EFCAB5: variants seen among roughly 807,000 people sequenced by gnomAD.
EFCAB5 encodes EF-hand calcium-binding domain-containing protein 5.
EFCAB5 carries 131 observed loss-of-function variants against 167.9 expected under a neutral mutation model. That is an observed-to-expected ratio of 0.78 (90% CI 0.68 to 0.90). The LOEUF (loss-of-function observed/expected upper bound fraction) is 0.90. EFCAB5 is among the 40% of genes least tolerant of loss of function. The pLI is 0.00. For synonymous variants in EFCAB5, 574 were observed against 602.8 expected (o/e 0.95, Z 0.70); for missense variants, 1,663 against 1,745.2 (o/e 0.95, Z 0.84).
At chr17:29,939,785 G>T (rs1418459703), upstream of EFCAB5, among the ~76,000 whole-genome samples, 3 of 152,202 alleles carry the variant, frequency 2.0e-5, no homozygotes, top group Non-Finnish European at 2.9e-5. Flanking sequence ...TTGGGCTTTG[G>T]CTTAAGGGAA....
chr17:29,946,429 C>CTTTTTTTT (rs58247381), intron 3 of EFCAB5, among the ~76,000 whole-genome samples: 2 of 85,442 alleles, frequency 2.3e-5, no homozygotes, highest in African/African-American at 4.9e-5. Context: ...ATGGAAATTT[C>CTTTTTTTT]TTTTTTTTTT....
intron 7 of EFCAB5, among the ~76,000 whole-genome samples, chr17:30,024,108 C>T (rs2069252757): frequency 6.6e-6 from 1 of 152,058 alleles, no homozygotes; most frequent in Non-Finnish European, 1.5e-5. Flanking sequence ...AGCATTCCCT[C>T]TGAAAACTGG....
At position 30,037,466 on chromosome 17, in the gene EFCAB5, T is replaced by G. The variant is rs1464089806; in HGVS notation, c.1200+3081T>G. On this transcript the variant is annotated intron_variant, in intron 8 of 22. Transcript: ENST00000394835. ...TGGCTGGCATTGAGCTAGACTCTCCTTTCTCTGATGGCAGGACTCTATATA... is the reference window on the plus strand; with the variant it reads ...TGGCTGGCATTGAGCTAGACTCTCCGTTCTCTGATGGCAGGACTCTATATA... 2.0e-5 allele frequency among the ~76,000 whole-genome samples: 3 copies of G among 152,190 alleles called. No individual in the cohort carries two copies. The East Asian group carries it at 5.8e-4, about 29-fold the overall frequency.
At chr17:30,079,924 C>A in intron 15 of EFCAB5, 148 bp from the exon 16 acceptor site, 1 of 894,252 alleles carries the variant, frequency 1.1e-6, no homozygotes, top group Non-Finnish European at 1.6e-6. Context: ...ACCTTTTCCC[C>A]ACTGCCCATG....
At chr17:30,097,055 T>TATACATATAC (rs1567777495) in intron 22 of EFCAB5, among the ~76,000 whole-genome samples, 2 of 53,726 alleles carry the variant, frequency 3.7e-5, no homozygotes. Context: ...TATACATATA[T>TATACATATAC]ATATATTTTT....
intron 18 of EFCAB5, among the ~76,000 whole-genome samples, chr17:30,086,098 C>T (rs771484792): frequency 6.6e-5 from 10 of 152,108 alleles, no homozygotes; most frequent in Non-Finnish European, 1.3e-4. Context: ...GAGACTCAAG[C>T]GATCCTCCTG....
chr17:30,096,678 T>TATA (rs1491331465), intron 22 of EFCAB5, among the ~76,000 whole-genome samples: 70 of 40,678 alleles, frequency 1.7e-3, no homozygotes, highest in East Asian at 5.2e-3. Flanking sequence ...TATATATATA[T>TATA]TTTTTTTTTT....
intron 14 of EFCAB5, among the ~76,000 whole-genome samples, chr17:30,070,709 G>T (rs1462686203): frequency 6.6e-6 from 1 of 152,096 alleles, no homozygotes; most frequent in Non-Finnish European, 1.5e-5. Context: ...CAGCACTTTG[G>T]GAGGCTGAGG....
At chr17:30,052,788 TA>T (rs1005649846) in intron 9 of EFCAB5, among the ~76,000 whole-genome samples, 2 of 152,138 alleles carry the variant, frequency 1.3e-5, no homozygotes, top group Non-Finnish European at 2.9e-5. Context: ...GGGAAAGAGA[TA>T]GGGGGAAGAA....
intron 7 of EFCAB5, among the ~76,000 whole-genome samples, chr17:30,000,304 G>C (rs1268953996): frequency 6.6e-6 from 1 of 152,116 alleles, no homozygotes; most frequent in Non-Finnish European, 1.5e-5. Flanking sequence ...CTATGGGCCA[G>C]GTATCATACA....
At chr17:29,960,650 C>T (rs2067703318) in intron 3 of EFCAB5, among the ~76,000 whole-genome samples, 1 of 152,076 alleles carries the variant, frequency 6.6e-6, no homozygotes. Context: ...TACATCTATA[C>T]CTCATTTTGT....
intron 10 of EFCAB5, among the ~76,000 whole-genome samples, chr17:30,054,496 T>C (rs1413313076): frequency 6.6e-6 from 1 of 152,242 alleles, no homozygotes; most frequent in Non-Finnish European, 1.5e-5. Flanking sequence ...AATTTTCTTT[T>C]ATTTCAACTG....
At chr17:30,036,229 TA>T (rs2069615332) in intron 8 of EFCAB5, among the ~76,000 whole-genome samples, 1 of 141,928 alleles carries the variant, frequency 7.0e-6, no homozygotes, top group Non-Finnish European at 1.5e-5. Flanking sequence ...TATGCATATA[TA>T]ATGTATGTAT....
At chr17:30,002,327 G>A (rs2068679995) in intron 7 of EFCAB5, among the ~76,000 whole-genome samples, 1 of 152,042 alleles carries the variant, frequency 6.6e-6, no homozygotes, top group African/African-American at 2.4e-5. Context: ...AATTAACATT[G>A]ATATAATGTG....
chr17:30,044,988 CT>C (rs1321398785), intron 8 of EFCAB5, among the ~76,000 whole-genome samples: 1 of 152,168 alleles, frequency 6.6e-6, no homozygotes, highest in African/African-American at 2.4e-5. Context: ...CAATGAACCA[CT>C]GATACAATAC....
At chr17:29,997,477 T>C (rs901969465) in intron 6 of EFCAB5, among the ~76,000 whole-genome samples, 2 of 151,794 alleles carry the variant, frequency 1.3e-5, no homozygotes, top group African/African-American at 4.8e-5. Flanking sequence ...TTCCCAGAAA[T>C]GCAGACTGAC....
At chr17:30,106,329 AT>A (rs1397737782) in intron 22 of EFCAB5, among the ~76,000 whole-genome samples, 1 of 151,996 alleles carries the variant, frequency 6.6e-6, no homozygotes, top group African/African-American at 2.4e-5. Flanking sequence ...GAACTCAATT[AT>A]AACCAAATGG....
intron 18 of EFCAB5, 96 bp from the exon 19 acceptor site, chr17:30,086,967 A>C: frequency 9.7e-7 from 1 of 1,031,224 alleles, no homozygotes; most frequent in East Asian, 2.5e-5. Flanking sequence ...AGGTCATCTA[A>C]GCTTTCCTAT....
chr17:30,107,999 C>G lies in EFCAB5; in HGVS notation c.4487C>G (p.Pro1496Arg). Residue 1496 changes from proline to arginine, a missense_variant, in exon 23 of 23, where the codon CCA becomes CGA. Physicochemically the swap from Pro to Arg is moderately radical, Grantham distance 103 (BLOSUM62 -2). Transcript: ENST00000394835. Reference sequence around the variant, plus strand: ...GACAATTATATGTATGCAAAAATGCCAGGGGAAGGTTTGCAAGAGAAGTGA... The same window carrying G: ...GACAATTATATGTATGCAAAAATGCGAGGGGAAGGTTTGCAAGAGAAGTGA... ...KTDNYMYAKM[P>R]GEGLQEK The G allele has an allele frequency of 4.4e-6, 7 of 1,606,336 alleles. No individual in the cohort carries two copies. Among genetic ancestry groups the G allele is most frequent in the Non-Finnish European group, 5.9e-6 (7 of 1,177,850 alleles).
Sources: gnomAD v4.1 joint callset for allele counts (sites outside exome capture counted in the v4.1 genomes callset) on GRCh38, gnomAD v4.1.1 for gene constraint, MANE v1.5 for transcripts, NCBI Gene and HGNC (gene_info 2026-07-23, HGNC 2026-07-21) for gene names.